LRFN5: variants seen among roughly 807,000 people sequenced by gnomAD.
LRFN5 encodes the protein leucine rich repeat and fibronectin type III domain containing 5, also known as leucine-rich repeat and fibronectin type-III domain-containing protein 5.
LRFN5 carries 24 observed loss-of-function variants against 45.6 expected under a neutral mutation model. The observed-to-expected ratio is 0.53, with a 90% CI of 0.38 to 0.74. The LOEUF (loss-of-function observed/expected upper bound fraction) is 0.74. LRFN5 is among the 30% of genes least tolerant of loss of function. The probability of loss-of-function intolerance (pLI) is 0.00; values close to 1 mark genes in which losing one functional copy is unlikely to be tolerated. For synonymous variants in LRFN5, 340 were observed against 313.8 expected (o/e 1.08, Z -0.88); for missense variants, 776 against 861.5 (o/e 0.90, Z 1.24).
At chr14:41,694,830 C>A (rs1178057315) in intron 1 of LRFN5, among the ~76,000 whole-genome samples, 4 of 151,766 alleles carry the variant, frequency 2.6e-5, no homozygotes, top group African/African-American at 4.8e-5. Context: ...AAAAAACATT[C>A]CCATACAAGA....
chr14:41,677,791 G>T (rs148095932), intron 1 of LRFN5, among the ~76,000 whole-genome samples: 6 of 152,166 alleles, frequency 3.9e-5, no homozygotes, highest in Admixed American at 3.9e-4. Flanking sequence ...AGTATCAAAA[G>T]AAGAAGAGAG....
intron 1 of LRFN5, among the ~76,000 whole-genome samples, chr14:41,715,188 C>G (rs1412816862): frequency 6.6e-6 from 1 of 152,136 alleles, no homozygotes; most frequent in Non-Finnish European, 1.5e-5. Context: ...TGTGCTATCT[C>G]TAATGCGTGA....
intron 1 of LRFN5, chr14:41,699,958 G>A (rs1007736074): frequency 1.3e-5 from 2 of 152,116 alleles, no homozygotes; most frequent in African/African-American, 2.4e-5. Context: ...AATAGGAGGA[G>A]GGGATATCTG....
chr14:41,831,010 T>C (rs1189648294), intron 2 of LRFN5, among the ~76,000 whole-genome samples: 1 of 152,192 alleles, frequency 6.6e-6, no homozygotes, highest in Non-Finnish European at 1.5e-5. Context: ...GAAACATTGC[T>C]CCAGCTTACA....
At chr14:41,849,959 G>A (rs1889207774) in intron 2 of LRFN5, among the ~76,000 whole-genome samples, 2 of 151,728 alleles carry the variant, frequency 1.3e-5, no homozygotes, top group African/African-American at 4.8e-5. Flanking sequence ...TTATTTTTAT[G>A]ACATCTCTAC....
intron 1 of LRFN5, among the ~76,000 whole-genome samples, chr14:41,629,248 G>A (rs2138575329): frequency 6.6e-6 from 1 of 152,256 alleles, no homozygotes; most frequent in South Asian, 2.1e-4. Flanking sequence ...AAAACTCACT[G>A]CCCTATGATT....
intron 2 of LRFN5, among the ~76,000 whole-genome samples, chr14:41,842,468 A>T (rs1178635650): frequency 6.6e-6 from 1 of 152,122 alleles, no homozygotes; most frequent in Non-Finnish European, 1.5e-5. Context: ...TTAGTTGTAT[A>T]TAATTTACAA....
chr14:41,612,291 A>G (rs145403094), intron 1 of LRFN5, among the ~76,000 whole-genome samples: 94 of 152,292 alleles, frequency 6.2e-4, no homozygotes, highest in African/African-American at 2.2e-3. Flanking sequence ...CATAAATAAG[A>G]TTGCTAATAA....
At chr14:41,652,344 T>G (rs1880168392) in intron 1 of LRFN5, among the ~76,000 whole-genome samples, 1 of 152,090 alleles carries the variant, frequency 6.6e-6, no homozygotes, top group Non-Finnish European at 1.5e-5. Flanking sequence ...ATTTTTTTTG[T>G]GATATGCAAT....
intron 1 of LRFN5, among the ~76,000 whole-genome samples, chr14:41,614,588 GAAGAA>G (rs573706170): frequency 1.0e-3 from 154 of 152,120 alleles, no homozygotes; most frequent in African/African-American, 3.5e-3. Context: ...AGGAGAGAGA[GAAGAA>G]ATTAAGAAAT....
At chr14:41,690,341 G>A (rs190272093) in intron 1 of LRFN5, among the ~76,000 whole-genome samples, 1 of 152,208 alleles carries the variant, frequency 6.6e-6, no homozygotes, top group Admixed American at 6.5e-5. Flanking sequence ...ATCTCTTGAG[G>A]CCAGGAGTTC....
At chr14:41,749,444 G>A (rs1265439727) in intron 1 of LRFN5, among the ~76,000 whole-genome samples, 1 of 152,096 alleles carries the variant, frequency 6.6e-6, no homozygotes, top group Non-Finnish European at 1.5e-5. Flanking sequence ...TAAAAAATGT[G>A]CTACATATAC....
chr14:41,753,470 G>A (rs897848790), intron 1 of LRFN5, among the ~76,000 whole-genome samples: 2 of 152,026 alleles, frequency 1.3e-5, no homozygotes, highest in East Asian at 3.9e-4. Flanking sequence ...TCTCCTTGAA[G>A]AGGTCCTTCA....
At chr14:41,773,020 C>G (rs1287022662) in intron 2 of LRFN5, among the ~76,000 whole-genome samples, 1 of 152,102 alleles carries the variant, frequency 6.6e-6, no homozygotes, top group African/African-American at 2.4e-5. Flanking sequence ...CACATGCAGA[C>G]AGAGAGAGCT....
chr14:41,642,357 C>G (rs1425388709), intron 1 of LRFN5, among the ~76,000 whole-genome samples: 1 of 152,182 alleles, frequency 6.6e-6, no homozygotes, highest in Non-Finnish European at 1.5e-5. Context: ...GTATATCATT[C>G]CTTTGCACCT....
At chr14:41,765,684 C>T (rs1274311493) in intron 1 of LRFN5, among the ~76,000 whole-genome samples, 1 of 152,046 alleles carries the variant, frequency 6.6e-6, no homozygotes, top group Non-Finnish European at 1.5e-5. Context: ...TGGTATGTCC[C>T]AGTTATTCTA....
chr14:41,664,211 A>G (rs570141813), intron 1 of LRFN5, among the ~76,000 whole-genome samples: 3 of 152,200 alleles, frequency 2.0e-5, no homozygotes, highest in South Asian at 4.1e-4. Context: ...AAATTTTATG[A>G]GTGATGTTGT....
At chr14:41,622,090 T>TTCC (rs771628004) in intron 1 of LRFN5, among the ~76,000 whole-genome samples, 3 of 151,818 alleles carry the variant, frequency 2.0e-5, no homozygotes, top group Non-Finnish European at 4.4e-5. Context: ...TATTTAACAC[T>TTCC]TCCTTCTTCT....
At chr14:41,675,770 A>G (rs1475082321) in intron 1 of LRFN5, among the ~76,000 whole-genome samples, 1 of 152,246 alleles carries the variant, frequency 6.6e-6, no homozygotes, top group African/African-American at 2.4e-5. Flanking sequence ...GGCTTCCAAC[A>G]TAATGTAATA....
Sources: allele counts gnomAD v4.1 joint callset (sites outside exome capture counted in the v4.1 genomes callset), GRCh38; gene constraint gnomAD v4.1.1; transcripts MANE v1.5; gene names NCBI Gene and HGNC (gene_info 2026-07-23, HGNC 2026-07-21).